C16orf96: variants seen among roughly 807,000 people sequenced by gnomAD.
The protein encoded by C16orf96 is uncharacterized protein C16orf96.
Under a neutral mutation model 103.6 loss-of-function variants are expected in C16orf96, and 108 were observed. The ratio of observed to expected loss-of-function variants is 1.04; its 90% confidence interval spans 0.89 to 1.22. The LOEUF (loss-of-function observed/expected upper bound fraction) is 1.22. C16orf96 is among the 50% of genes most tolerant of loss of function. The probability of loss-of-function intolerance (pLI) is 0.00; values close to 1 mark genes in which losing one functional copy is unlikely to be tolerated. For synonymous variants in C16orf96, 566 were observed against 593.5 expected, an observed-to-expected ratio of 0.95 and a Z score of 0.67; for missense variants, 1,586 against 1,464.2, an observed-to-expected ratio of 1.08 and a Z score of -1.36.
In C16orf96 at chr16:4,575,546, C is replaced by A. The variant is rs753733157; in HGVS notation, c.1066C>A (p.Pro356Thr). The A allele has an allele frequency of 1.1e-5, 17 of 1,538,712 alleles. No homozygotes were observed. The highest frequency in any genetic ancestry group is 1.7e-4 in the Middle Eastern group (1 of 5,892). The change falls in exon 5 of 16, where the codon CCC becomes ACC. Residue 356 changes from proline (P) to threonine (T), a missense_variant. Pro to Thr is a conservative substitution (Grantham distance 38). Transcript: ENST00000444310. ...GCCTGCCCTGGGGCCTGTCCCAGGGCCCAGTGTGACACCTGGGTCCTTGCC... is the reference window on the plus strand; with the variant it reads ...GCCTGCCCTGGGGCCTGTCCCAGGGACCAGTGTGACACCTGGGTCCTTGCC... ...PVPALGPVPG[P>T]SVTPGSLPAP...
chr16:4,575,075 G>A lies in C16orf96; in HGVS notation c.693+17G>A, dbSNP rs1162378503. 6.4e-7 allele frequency: 1 copy of A among 1,551,098 alleles called. No homozygotes were observed. The highest frequency in any genetic ancestry group is 8.7e-7 in the Non-Finnish European group (1 of 1,146,988). On this transcript the variant is annotated intron_variant, in intron 4 of 15. Coordinates refer to ENST00000444310, the MANE Select transcript of C16orf96 (RefSeq NM_001145011.2). ...TTCACCTCAGTGAGTGAGGAAGGAAGGGGAGGTTAGCAGGAAGCTGGGGAG... is the reference window on the plus strand; with the variant it reads ...TTCACCTCAGTGAGTGAGGAAGGAAAGGGAGGTTAGCAGGAAGCTGGGGAG...
At chr16:4,578,828 T>C (rs549401855) in intron 5 of C16orf96, 112 bp from the exon 6 acceptor site, 3 of 621,196 alleles carry the variant, frequency 4.8e-6, no homozygotes, top group Non-Finnish European at 8.4e-6. Context: ...GCCCAGTGCA[T>C]TTCCACTGGG....
chr16:4,571,485 T>C (rs2059437567), intron 1 of C16orf96, 76 bp from the exon 2 acceptor site: 1 of 1,280,860 alleles, frequency 7.8e-7, no homozygotes, highest in South Asian at 1.4e-5. Flanking sequence ...ACGGCTATCA[T>C]CAGAAAGCTT....
rs1296914995 is a variant in C16orf96 at position 4,575,496 on chromosome 16, A to AGCTGGG, written c.1022_1027dup (p.Gly341_Leu342dup). On this transcript the variant is annotated inframe_insertion, in exon 5 of 16. Transcript: ENST00000444310. ...GGGACTGAACCTGTGCCAGGACTGG[A>AGCTGGG]GCTGGGGCTGGAGCTGGAGCCTGTG... 3 of 1,547,212 alleles carry AGCTGGG rather than the reference A, an allele frequency of 1.9e-6. No homozygotes were observed. The highest frequency in any genetic ancestry group is 2.7e-5 in the African/African-American group (2 of 73,006).
At chr16:4,552,593 C>T (rs761461874), upstream of C16orf96, among the ~76,000 whole-genome samples, 21 of 151,584 alleles carry the variant, frequency 1.4e-4, no homozygotes, top group Non-Finnish European at 2.8e-4. Flanking sequence ...TTTGAATATG[C>T]GATAGTTGGA....
Position 4,593,273 on chromosome 16 carries a change from G to T in C16orf96, c.2824G>T (p.Ala942Ser). Residue 942 changes from alanine (A) to serine (S), a missense_variant, in exon 12 of 16, where the codon GCC (alanine) becomes TCC (serine). Coordinates refer to ENST00000444310, the MANE Select transcript of C16orf96 (RefSeq NM_001145011.2). This position sits in a 1 kb window ranked among gnomAD's most constrained non-coding sequence, Gnocchi z 4.2. Reference sequence around the variant, plus strand: ...CCACCTGCTGTCCCGGCTGCGGCCAGCCAGCGCCAACAGCTGCGAGTACTT... The same window carrying T: ...CCACCTGCTGTCCCGGCTGCGGCCATCCAGCGCCAACAGCTGCGAGTACTT... ...KAHLLSRLRPASANSCEYLQR... is the reference protein window; with the variant it reads ...KAHLLSRLRPSSANSCEYLQR... 1 of 1,551,078 alleles carries T rather than the reference G, an allele frequency of 6.4e-7. No individual in the cohort carries two copies. The highest frequency in any genetic ancestry group is 8.7e-7 in the Non-Finnish European group (1 of 1,146,868).
intron 13 of C16orf96, 32 bp downstream of exon 13, chr16:4,594,542 G>A (rs761870178): frequency 4.6e-5 from 71 of 1,547,068 alleles, no homozygotes; most frequent in South Asian, 1.5e-4. Context: ...TTCTCAGAGG[G>A]TGGACGTCAG....
intron 12 of C16orf96, 137 bp from the exon 13 acceptor site, chr16:4,594,214 C>A: frequency 1.0e-6 from 1 of 1,004,406 alleles, no homozygotes; most frequent in Non-Finnish European, 1.4e-6. Context: ...GGCCCCAGGC[C>A]TGCCTGGCTG....
chr16:4,541,239 G>A, the C16orf96 span, among the ~76,000 whole-genome samples: 1 of 152,184 alleles, frequency 6.6e-6, no homozygotes, highest in African/African-American at 2.4e-5. Flanking sequence ...GGAATTTAAA[G>A]CCCTTGAAGA....
chr16:4,590,484 G>A (rs775282223), intron 9 of C16orf96, among the ~76,000 whole-genome samples: 7 of 151,828 alleles, frequency 4.6e-5, no homozygotes, highest in African/African-American at 1.4e-4. Flanking sequence ...GCTTGAACCC[G>A]GGAGGTGGAG....
intron 2 of C16orf96, among the ~76,000 whole-genome samples, chr16:4,573,975 A>G (rs2059470389): frequency 6.7e-6 from 1 of 150,198 alleles, no homozygotes; most frequent in African/African-American, 2.4e-5. Context: ...CTGGGATTAC[A>G]GGTGCAAGCC....
At position 4,578,954 on chromosome 16, in the gene C16orf96, C is replaced by G. The variant is rs2059547709; in HGVS notation, c.2170C>G (p.Pro724Ala). Residue 724 changes from proline (P) to alanine (A), a missense_variant, in exon 6 of 16, where the codon CCT becomes GCT. Physicochemically the swap from Pro to Ala is conservative, Grantham distance 27 (BLOSUM62 -1). Transcript: ENST00000444310. ...RLSYLANMGGPSSLGTTVDIL... is the reference protein window; with the variant it reads ...RLSYLANMGGASSLGTTVDIL... The stretch of plus-strand genomic sequence containing the variant: ...TCTGCTTTCAGCCAATATGGGAGGT[C>G]CTTCCAGCCTCGGGACAACAGTGGA... The G allele has an allele frequency of 6.4e-7, 1 of 1,551,372 alleles. No homozygotes were observed. The highest frequency in any genetic ancestry group is 8.7e-7 in the Non-Finnish European group (1 of 1,146,884).
At chr16:4,596,288 T>C (rs1032233542) in intron 14 of C16orf96, among the ~76,000 whole-genome samples, 1 of 151,988 alleles carries the variant, frequency 6.6e-6, no homozygotes, top group African/African-American at 2.4e-5. Flanking sequence ...AGTTCAAGAC[T>C]AGCCTGAACA....
In C16orf96 at chr16:4,563,944, T is replaced by C. The variant is rs1783701172; in HGVS notation, c.420+7035T>C. Among the ~76,000 whole-genome samples, 5 of 150,024 alleles carry C rather than the reference T, an allele frequency of 3.3e-5. No individual in the cohort carries two copies. The South Asian group carries it at 1.1e-3, about 32-fold the overall frequency. On this transcript the variant is annotated intron_variant, in intron 1 of 15. Transcript: ENST00000444310. ...CAGGTGTGGTGGCTCCCACCTGTAA[T>C]CCCAGCACTTTCGGAGGCCGAAGTG...
In C16orf96 at chr16:4,588,171, C is replaced by G; in HGVS notation, c.2432C>G (p.Ala811Gly). 6.4e-7 allele frequency: 1 copy of G among 1,550,988 alleles called. No individual in the cohort carries two copies. The highest frequency in any genetic ancestry group is 8.7e-7 in the Non-Finnish European group (1 of 1,146,768). ...STMEEELREK[A>G]DRSALAGKAS... ...CTGAACTCCCTGTCTCCCTAGAAAGCTGACAGGAGTGCCCTGGCAGGCAAG... is the reference window on the plus strand; with the variant it reads ...CTGAACTCCCTGTCTCCCTAGAAAGGTGACAGGAGTGCCCTGGCAGGCAAG... Residue 811 changes from alanine to glycine, a missense_variant, in exon 9 of 16, where the codon GCT (alanine) becomes GGT (glycine). Physicochemically the swap from Ala to Gly is moderately conservative, Grantham distance 60. Coordinates refer to ENST00000444310, the MANE Select transcript of C16orf96 (RefSeq NM_001145011.2).
the C16orf96 span, among the ~76,000 whole-genome samples, chr16:4,543,903 A>G: frequency 6.6e-6 from 1 of 152,140 alleles, no homozygotes; most frequent in Non-Finnish European, 1.5e-5. Context: ...AGGCCTCCCA[A>G]AGTGCTGGGA....
In C16orf96 at chr16:4,600,228, C is replaced by A; in HGVS notation, c.3337C>A (p.Gln1113Lys). 2 of 1,551,596 alleles carry A rather than the reference C, an allele frequency of 1.3e-6. No individual in the cohort carries two copies. Among genetic ancestry groups the A allele is most frequent in the Non-Finnish European group, 1.7e-6 (2 of 1,146,964 alleles). ...GATTCCATCCCTAAGGGACCCCCAG[C>A]AGGCCCCAGGGTCCACCAGGCTCTC... is the stretch of plus-strand genomic sequence containing the variant. ...PLIPSLRDPQ[Q>K]APGSTRLSRA... Residue 1113 changes from glutamine to lysine, a missense_variant, in exon 16 of 16, where the codon CAG (glutamine) becomes AAG (lysine). Gln to Lys is a moderately conservative substitution (Grantham distance 53, BLOSUM62 1). Coordinates refer to ENST00000444310, the MANE Select transcript of C16orf96 (RefSeq NM_001145011.2).
At position 4,593,444 on chromosome 16, in the gene C16orf96, G is replaced by A; in HGVS notation, c.2867+128G>A. Reference sequence around the variant, plus strand: ...CCTAAGATTGTCCTGGACATGGCCAGCCCTTCGCAAGACAGGCACTCCGAG... The same window carrying A: ...CCTAAGATTGTCCTGGACATGGCCAACCCTTCGCAAGACAGGCACTCCGAG... On this transcript the variant is annotated intron_variant, in intron 12 of 15. Transcript: ENST00000444310. The surrounding 1 kb of genome is among the most constrained non-coding windows in gnomAD (Gnocchi z 4.2). 1 of 942,068 alleles carries A rather than the reference G, an allele frequency of 1.1e-6. No individual in the cohort carries two copies. The highest frequency in any genetic ancestry group is 1.6e-6 in the Non-Finnish European group (1 of 625,652). The allele number at this position is 942,068 out of a possible 1,614,324, so 58.4% of individuals were successfully genotyped here.
chr16:4,560,547 A>C (rs932012775), intron 1 of C16orf96: 10 of 152,026 alleles, frequency 6.6e-5, no homozygotes, highest in African/African-American at 1.9e-4. Flanking sequence ...TTTTACCACA[A>C]AAAAAAGCAG....
Sources: allele counts gnomAD v4.1 joint callset (sites outside exome capture counted in the v4.1 genomes callset), GRCh38; gene constraint gnomAD v4.1.1; non-coding constraint Gnocchi (gnomAD v3.1); transcripts MANE v1.5; gene names NCBI Gene and HGNC (gene_info 2026-07-23, HGNC 2026-07-21).